PLEKHG6: variants seen among roughly 807,000 people sequenced by gnomAD.
PLEKHG6 encodes pleckstrin homology domain-containing family G member 6.
A neutral mutation model predicts 97.5 loss-of-function variants in PLEKHG6; 91 were observed. That is an observed-to-expected ratio of 0.93 (90% CI 0.79 to 1.11). The LOEUF (loss-of-function observed/expected upper bound fraction) is 1.11, where lower values mean the gene tolerates loss of function less well. Among genes scored for constraint, PLEKHG6 ranks in the 50% most tolerant of loss-of-function variants. The pLI, the probability that PLEKHG6 is intolerant of heterozygous loss-of-function variation, is 0.00. For synonymous variants in PLEKHG6, 466 were observed against 425.5 expected, an observed-to-expected ratio of 1.10 and a Z score of -1.17; for missense variants, 1,044 against 1,031.0, an observed-to-expected ratio of 1.01 and a Z score of -0.17.
At chr12:6,326,103 G>A (rs953376663) in intron 13 of PLEKHG6, among the ~76,000 whole-genome samples, 7 of 152,054 alleles carry the variant, frequency 4.6e-5, no homozygotes, top group African/African-American at 1.7e-4. Flanking sequence ...TCAGGAGTTT[G>A]AGACCAGCCT....
In PLEKHG6 at chr12:6,312,181, G is replaced by A; in HGVS notation, c.-46G>A. The stretch of plus-strand genomic sequence containing the variant: ...CAGCCCTAGGGGACCTCTTTCTCCT[G>A]GACATTGAAGATATGGCCCTTTGGA... On this transcript the variant is annotated 5_prime_UTR_variant, in exon 2 of 16. Coordinates refer to ENST00000684764, the MANE Select transcript of PLEKHG6 (RefSeq NM_001384598.1). The A allele has an allele frequency of 7.0e-7, 1 of 1,437,052 alleles. No homozygotes were observed. Among genetic ancestry groups the A allele is most frequent in the Non-Finnish European group, 9.1e-7 (1 of 1,094,958 alleles). The allele number at this position is 1,437,052 out of a possible 1,614,324, so 89.0% of individuals were successfully genotyped here. A position where few individuals can be genotyped will look rare whatever the true frequency, so the allele number is the denominator to read the frequency against.
At chr12:6,326,174 G>A (rs1156742011) in intron 13 of PLEKHG6, among the ~76,000 whole-genome samples, 4 of 151,978 alleles carry the variant, frequency 2.6e-5, no homozygotes, top group African/African-American at 4.8e-5. Context: ...GCACGTTGGC[G>A]GGCGCCTGTA....
Position 6,313,703 on chromosome 12 carries a change from C to A in PLEKHG6, c.213C>A (p.Pro71=), listed in dbSNP as rs983313663. 6.2e-6 allele frequency: 10 copies of A among 1,613,438 alleles called. No individual in the cohort carries two copies. In the South Asian group the frequency reaches 1.1e-4, roughly 18 times the overall value. ...CTGGCCAGGCCCGAGGCCTGTCACC[C>A]ATGAGACTGCGAGATCCAGAGCCCG... ...RGSGQARGLS[P]MRLRDPEPEK... Residue 71 remains proline, a synonymous_variant, in exon 3 of 16, where the codon CCC becomes CCA. Coordinates refer to ENST00000684764, the MANE Select transcript of PLEKHG6 (RefSeq NM_001384598.1).
chr12:6,321,540 C>G (rs1947700405), intron 13 of PLEKHG6, among the ~76,000 whole-genome samples: 1 of 151,868 alleles, frequency 6.6e-6, no homozygotes, highest in Non-Finnish European at 1.5e-5. Context: ...AAGAAAGGAC[C>G]TAAAGAAGAG....
At position 6,328,485 on chromosome 12, in the gene PLEKHG6, C is replaced by CAA. The variant is rs4149588; in HGVS notation, c.*348_*349dup. 98 of 218,442 alleles carry CAA rather than the reference C, an allele frequency of 4.5e-4. No individual in the cohort carries two copies. Among genetic ancestry groups the CAA allele is most frequent in the Middle Eastern group, 1.7e-3 (1 of 594 alleles). The allele number at this position is 218,442 out of a possible 1,614,324, so 13.5% of individuals were successfully genotyped here. A position where few individuals can be genotyped will look rare whatever the true frequency, so the allele number is the denominator to read the frequency against. On this transcript the variant is annotated 3_prime_UTR_variant, in exon 16 of 16. Transcript: ENST00000684764. Reference sequence around the variant, plus strand: ...GCAATATAGGGAAACCCTGTCTTTACAAAAAAAAATTTTAAAAATTACCCA... The same window carrying CAA: ...GCAATATAGGGAAACCCTGTCTTTACAAAAAAAAAAATTTTAAAAATTACCCA...
chr12:6,317,282 C>T (rs1275224966), intron 7 of PLEKHG6, 21 bp from the exon 8 acceptor site: 1 of 1,519,692 alleles, frequency 6.6e-7, no homozygotes, highest in Non-Finnish European at 9.1e-7. Context: ...TGCTCCCCAC[C>T]TCCCGTATCT....
chr12:6,313,926 C>T (rs577393269), intron 3 of PLEKHG6, 142 bp downstream of exon 3: 1 of 685,406 alleles, frequency 1.5e-6, no homozygotes, highest in Non-Finnish European at 2.3e-6. Flanking sequence ...TGCCTAGGAC[C>T]TCTCAGGGAT....
At chr12:6,321,840 A>AAAAAAAG (rs1161331630) in intron 13 of PLEKHG6, among the ~76,000 whole-genome samples, 4 of 151,260 alleles carry the variant, frequency 2.6e-5, no homozygotes, top group African/African-American at 7.3e-5. Context: ...AAAAAAAAAA[A>AAAAAAAG]AAGAAGAGGG....
Position 6,326,569 on chromosome 12 carries a change from G to A in PLEKHG6, c.1666G>A (p.Gly556Arg). The A allele has an allele frequency of 1.3e-6, 2 of 1,518,404 alleles. No homozygotes were observed. Among genetic ancestry groups the A allele is most frequent in the Non-Finnish European group, 8.8e-7 (1 of 1,138,258 alleles). The allele number at this position is 1,518,404 out of a possible 1,614,324, so 94.1% of individuals were successfully genotyped here. A position where few individuals can be genotyped will look rare whatever the true frequency, so the allele number is the denominator to read the frequency against. The change falls in exon 14 of 16, where the codon GGG (glycine) becomes AGG (arginine). Residue 556 changes from glycine (G) to arginine (R), a missense_variant. Transcript: ENST00000684764. ...SLEGSQSSAE[G>R]RTPEFSTIIP... ...GGAGGGCTCTCAGAGCAGCGCAGAG[G>A]GGAGGTAAGGCTCACACGGACTACA...
intron 13 of PLEKHG6, among the ~76,000 whole-genome samples, chr12:6,324,299 C>A (rs61571919): frequency 2.2e-4 from 32 of 147,614 alleles, no homozygotes; most frequent in Admixed American, 8.8e-4. Context: ...CCCTCCCCCC[C>A]CCGCCGCCTC....
At position 6,312,299 on chromosome 12, in the gene PLEKHG6, G is replaced by T; in HGVS notation, c.73G>T (p.Gly25Cys). 6.4e-7 allele frequency: 1 copy of T among 1,565,914 alleles called. No individual in the cohort carries two copies. Among genetic ancestry groups the T allele is most frequent in the Non-Finnish European group, 8.6e-7 (1 of 1,162,142 alleles). The change falls in exon 2 of 16, where the codon GGC (glycine) becomes TGC (cysteine). Residue 25 changes from glycine to cysteine, a missense_variant. By Grantham distance (159) the Gly-to-Cys change is radical (BLOSUM62 -3). Coordinates refer to ENST00000684764, the MANE Select transcript of PLEKHG6 (RefSeq NM_001384598.1). ...LVASRIETYGGRHRASAQSTA... is the reference protein window; with the variant it reads ...LVASRIETYGCRHRASAQSTA... The stretch of plus-strand genomic sequence containing the variant: ...GGCCTCCCGCATTGAGACTTATGGG[G>T]GCCGGCATCGAGCCTCTGCTCAGAG...
chr12:6,318,298 C>G lies in PLEKHG6; in HGVS notation c.1156-3C>G, dbSNP rs1169150424. The G allele has an allele frequency of 1.9e-6, 3 of 1,613,908 alleles. No homozygotes were observed. Among genetic ancestry groups the G allele is most frequent in the Non-Finnish European group, 2.5e-6 (3 of 1,180,014 alleles). On this transcript the variant is annotated splice_region_variant and splice_polypyrimidine_tract_variant and intron_variant, in intron 10 of 15. Transcript: ENST00000684764. ...CCTGACCCCTCCCCTCTGTGTCCCT[C>G]AGAACCTGCGCCCATTCTCCACCCT...
intron 7 of PLEKHG6, 40 bp from the exon 8 acceptor site, chr12:6,317,263 C>T (rs1383395043): frequency 7.5e-7 from 1 of 1,333,958 alleles, no homozygotes; most frequent in Non-Finnish European, 1.1e-6. Context: ...ATGGCCTTCT[C>T]CCCATGCCTG....
At chr12:6,326,320 T>C (rs542485774) in intron 13 of PLEKHG6, 108 bp from the exon 14 acceptor site, 4 of 633,736 alleles carry the variant, frequency 6.3e-6, no homozygotes, top group Admixed American at 3.5e-5. Flanking sequence ...ATAATAATAA[T>C]AATAAAATAA....
chr12:6,314,043 C>G (rs548429481), intron 3 of PLEKHG6, among the ~76,000 whole-genome samples: 2 of 152,154 alleles, frequency 1.3e-5, no homozygotes, highest in Non-Finnish European at 2.9e-5. Context: ...TGAAAACTAC[C>G]AAGTCAAATT....
intron 13 of PLEKHG6, among the ~76,000 whole-genome samples, chr12:6,323,862 G>T (rs1947779382): frequency 6.6e-6 from 1 of 152,206 alleles, no homozygotes; most frequent in African/African-American, 2.4e-5. Context: ...CCTGGGTAGG[G>T]CCTGCTGCTG....
At chr12:6,312,647 G>C in intron 2 of PLEKHG6, 1 of 1,239,256 alleles carries the variant, frequency 8.1e-7, no homozygotes. Context: ...CTGCGGGTAA[G>C]GTCATCAAAC....
rs1947943021 is a variant in PLEKHG6 at position 6,328,146 on chromosome 12, G to A, written c.*1G>A. ...CTCCTGTCTTTTCAGAGAGGTATGA[G>A]GAATGCAGAGGACCTTTGGCATGCA... On this transcript the variant is annotated 3_prime_UTR_variant, in exon 16 of 16. Transcript: ENST00000684764. 2 of 1,613,864 alleles carry A rather than the reference G, an allele frequency of 1.2e-6. No individual in the cohort carries two copies. The highest frequency in any genetic ancestry group is 1.7e-5 in the Admixed American group (1 of 59,992).
At position 6,316,125 on chromosome 12, in the gene PLEKHG6, C is replaced by G. The variant is rs1253269615; in HGVS notation, c.607-130C>G. On this transcript the variant is annotated intron_variant, in intron 6 of 15. Coordinates refer to ENST00000684764, the MANE Select transcript of PLEKHG6 (RefSeq NM_001384598.1). The surrounding 1 kb of genome is among the most constrained non-coding windows in gnomAD (Gnocchi z 4.1). ...CTGACATCCTTGAGATCTTCCAGGCCCAGTGCCCAGTTCATCCTTCTTCAC... is the reference window on the plus strand; with the variant it reads ...CTGACATCCTTGAGATCTTCCAGGCGCAGTGCCCAGTTCATCCTTCTTCAC... 4.1e-6 allele frequency: 4 copies of G among 979,152 alleles called. No individual in the cohort carries two copies. In the East Asian group the frequency reaches 1.1e-4, roughly 26 times the overall value. 60.7% of individuals were successfully genotyped at this position (979,152 alleles called of 1,614,324 possible).
Sources: gnomAD v4.1 joint callset for allele counts (sites outside exome capture counted in the v4.1 genomes callset) on GRCh38, gnomAD v4.1.1 for gene constraint, Gnocchi (gnomAD v3.1) non-coding constraint, MANE v1.5 for transcripts, NCBI Gene and HGNC (gene_info 2026-07-23, HGNC 2026-07-21) for gene names.